CDK6: variants seen among roughly 807,000 people sequenced by gnomAD.
CDK6 encodes cyclin-dependent kinase 6.
In CDK6, 6 loss-of-function variants were observed where a neutral mutation model predicts 37.1. The observed-to-expected ratio is 0.16, with a 90% CI of 0.09 to 0.32. The LOEUF is 0.32. Ranked by LOEUF, CDK6 falls within the 10% of genes least tolerant of loss-of-function variation. CDK6 has a pLI of 1.00. For synonymous variants in CDK6, 160 were observed against 161.3 expected (o/e 0.99, Z 0.06); for missense variants, 224 against 418.9 (o/e 0.53, Z 4.06).
intron 3 of CDK6, among the ~76,000 whole-genome samples, chr7:92,726,080 T>C (rs538256282): frequency 6.6e-6 from 1 of 152,308 alleles, no homozygotes; most frequent in South Asian, 2.1e-4. Context: ...TCTGCCAAAC[T>C]GGTTTCAGTG....
intron 5 of CDK6, among the ~76,000 whole-genome samples, chr7:92,665,173 T>A (rs1796928286): frequency 6.6e-6 from 1 of 152,174 alleles, no homozygotes; most frequent in Admixed American, 6.5e-5. Context: ...CAGTTCTAAC[T>A]AGGATTACAA....
At chr7:92,769,180 T>C (rs1362706903) in intron 3 of CDK6, among the ~76,000 whole-genome samples, 1 of 152,216 alleles carries the variant, frequency 6.6e-6, no homozygotes, top group Non-Finnish European at 1.5e-5. Flanking sequence ...TAGTGTGTTT[T>C]ATCTCTTACT....
At chr7:92,754,280 A>G (rs1799259310) in intron 3 of CDK6, among the ~76,000 whole-genome samples, 1 of 152,186 alleles carries the variant, frequency 6.6e-6, no homozygotes, top group Non-Finnish European at 1.5e-5. Flanking sequence ...CTTTGGTGCA[A>G]TCATTTAGAT....
At chr7:92,832,296 T>G (rs1355191691) in intron 2 of CDK6, among the ~76,000 whole-genome samples, 1 of 152,170 alleles carries the variant, frequency 6.6e-6, no homozygotes, top group Non-Finnish European at 1.5e-5. Context: ...AGAACTGCTG[T>G]CTCCCCACCC....
intron 4 of CDK6, among the ~76,000 whole-genome samples, chr7:92,698,395 G>A (rs991368438): frequency 1.3e-5 from 2 of 152,092 alleles, no homozygotes; most frequent in African/African-American, 4.8e-5. Context: ...TACCACATCC[G>A]CACATCGTTA....
At chr7:92,781,499 C>A (rs147921771) in intron 2 of CDK6, among the ~76,000 whole-genome samples, 23 of 152,346 alleles carry the variant, frequency 1.5e-4, no homozygotes, top group African/African-American at 5.5e-4. Context: ...GATGGGATTA[C>A]ATCCAATAGG....
intron 5 of CDK6, among the ~76,000 whole-genome samples, chr7:92,655,540 C>T (rs1275807098): frequency 2.0e-5 from 3 of 152,210 alleles, no homozygotes; most frequent in African/African-American, 7.2e-5. Context: ...TTCCAAATTA[C>T]TTCTGAATAT....
At position 92,610,490 on chromosome 7, in the gene CDK6, C is replaced by T. The variant is rs565212801; in HGVS notation, c.*4650G>A. The T allele has an allele frequency of 4.3e-6, 1 of 230,338 alleles. No homozygotes were observed. The highest frequency in any genetic ancestry group is 1.8e-4 in the South Asian group (1 of 5,510). The allele number at this position is 230,338 out of a possible 1,614,324, so 14.3% of individuals were successfully genotyped here. A position where few individuals can be genotyped will look rare whatever the true frequency, so the allele number is the denominator to read the frequency against. On this transcript the variant is annotated 3_prime_UTR_variant, in exon 8 of 8. Coordinates refer to ENST00000424848, the MANE Select transcript of CDK6 (RefSeq NM_001145306.2). ...TCTGTTTTTACATTTCTGTTGCTTACAAAGGTCAGAAGATAGAGAGACCAA... is the reference window on the plus strand; with the variant it reads ...TCTGTTTTTACATTTCTGTTGCTTATAAAGGTCAGAAGATAGAGAGACCAA...
chr7:92,622,313 T>C (rs1240283221), intron 6 of CDK6, among the ~76,000 whole-genome samples: 1 of 152,156 alleles, frequency 6.6e-6, no homozygotes, highest in Non-Finnish European at 1.5e-5. Context: ...AACCAAAGAA[T>C]TTGAGCACAA....
chr7:92,606,134 A>C lies in CDK6; in HGVS notation c.*9006T>G, dbSNP rs535645993. The C allele has an allele frequency of 8.6e-6, 2 of 233,566 alleles. No individual in the cohort carries two copies. Among genetic ancestry groups the C allele is most frequent in the Non-Finnish European group, 1.7e-5 (2 of 118,006 alleles). 14.5% of individuals were successfully genotyped at this position (233,566 alleles called of 1,614,324 possible). On this transcript the variant is annotated 3_prime_UTR_variant, in exon 8 of 8. Coordinates refer to ENST00000424848, the MANE Select transcript of CDK6 (RefSeq NM_001145306.2). Reference sequence around the variant, plus strand: ...ATGAATTTCAAGTATGAAGAAATACAGTAAAAGTGTGGCCTGTAGATGGAG... The same window carrying C: ...ATGAATTTCAAGTATGAAGAAATACCGTAAAAGTGTGGCCTGTAGATGGAG...
At chr7:92,753,847 T>C (rs1584052534) in intron 3 of CDK6, among the ~76,000 whole-genome samples, 2 of 152,334 alleles carry the variant, frequency 1.3e-5, no homozygotes, top group South Asian at 2.1e-4. Flanking sequence ...CTGCTAGTAT[T>C]GGTCATAACT....
intron 6 of CDK6, among the ~76,000 whole-genome samples, chr7:92,621,385 A>C (rs973469205): frequency 6.6e-6 from 1 of 152,210 alleles, no homozygotes; most frequent in Non-Finnish European, 1.5e-5. Context: ...AGCAGGTCAA[A>C]CATGCCGGTC....
chr7:92,789,602 T>A (rs890653692), intron 2 of CDK6, among the ~76,000 whole-genome samples: 1 of 152,222 alleles, frequency 6.6e-6, no homozygotes, highest in African/African-American at 2.4e-5. Context: ...AAGTTGAAGA[T>A]GTTAATTGTA....
At chr7:92,634,587 A>G (rs1442245706) in intron 5 of CDK6, among the ~76,000 whole-genome samples, 1 of 152,170 alleles carries the variant, frequency 6.6e-6, no homozygotes, top group Non-Finnish European at 1.5e-5. Context: ...AAACCTATGA[A>G]TTAATTTGGA....
intron 3 of CDK6, among the ~76,000 whole-genome samples, chr7:92,762,068 T>C (rs1799468634): frequency 6.6e-6 from 1 of 152,220 alleles, no homozygotes; most frequent in African/African-American, 2.4e-5. Context: ...ACTAAAGATA[T>C]AAGTCAACTC....
At chr7:92,706,779 A>G (rs139415187) in intron 4 of CDK6, among the ~76,000 whole-genome samples, 2,002 of 152,344 alleles carry the variant, frequency 0.013, 43 homozygotes, top group Middle Eastern at 0.041. Context: ...TCCATTCACA[A>G]TAACACACTG....
chr7:92,690,550 C>A (rs1236409433), intron 4 of CDK6, among the ~76,000 whole-genome samples: 1 of 152,092 alleles, frequency 6.6e-6, no homozygotes, highest in Non-Finnish European at 1.5e-5. Flanking sequence ...AGTTGGGTAG[C>A]ATGATGCCTC....
At chr7:92,724,191 G>C (rs1310592651) in intron 4 of CDK6, among the ~76,000 whole-genome samples, 1 of 152,124 alleles carries the variant, frequency 6.6e-6, no homozygotes, top group Non-Finnish European at 1.5e-5. Flanking sequence ...TCCCACTGGG[G>C]AAATACACAG....
chr7:92,788,951 T>C (rs1215066800), intron 2 of CDK6, among the ~76,000 whole-genome samples: 1 of 151,926 alleles, frequency 6.6e-6, no homozygotes, highest in Non-Finnish European at 1.5e-5. Context: ...CCCCCTCATC[T>C]CTACAAAAGA....
Sources: gnomAD v4.1 joint callset for allele counts (sites outside exome capture counted in the v4.1 genomes callset) on GRCh38, gnomAD v4.1.1 for gene constraint, MANE v1.5 for transcripts, NCBI Gene and HGNC (gene_info 2026-07-23, HGNC 2026-07-21) for gene names.